Variants in FSHR observed in about 807,000 individuals in gnomAD.
The protein encoded by FSHR is follicle stimulating hormone receptor.
FSHR carries 46 observed loss-of-function variants against 52.1 expected under a neutral mutation model. That is an observed-to-expected ratio of 0.88 (90% CI 0.70 to 1.13). The LOEUF is 1.13. Among genes scored for constraint, FSHR ranks in the 50% most tolerant of loss-of-function variants. The probability of loss-of-function intolerance (pLI) is 0.00; values close to 1 mark genes in which losing one functional copy is unlikely to be tolerated. For synonymous variants in FSHR, 399 were observed against 309.6 expected, an observed-to-expected ratio of 1.29 and a Z score of -3.03; for missense variants, 964 against 834.6, an observed-to-expected ratio of 1.16 and a Z score of -1.91.
Position 49,154,276 on chromosome 2 carries a change from C to T in FSHR, c.142G>A (p.Ala48Thr). 2 of 1,613,874 alleles carry T rather than the reference C, an allele frequency of 1.2e-6. No individual in the cohort carries two copies. The highest frequency in any genetic ancestry group is 1.7e-6 in the Non-Finnish European group (2 of 1,179,856). The change falls in exon 1 of 10, where the codon GCC (alanine) becomes ACC (threonine). Residue 48 changes from alanine (A) to threonine (T), a missense_variant. Coordinates refer to ENST00000406846, the MANE Select transcript of FSHR (RefSeq NM_000145.4). ...TEIPSDLPRN[A>T]IELRFVLTKL... ...CCCTCTGATACTCACAGTTCAATGG[C>T]ATTCCTCGGGAGGTCAGAAGGAATC...
chr2:48,992,333 A>G (rs752412665), intron 4 of FSHR, among the ~76,000 whole-genome samples: 1 of 152,120 alleles, frequency 6.6e-6, no homozygotes, highest in Non-Finnish European at 1.5e-5. Context: ...TTTGTAGTTC[A>G]TCTCTTCACC....
At chr2:49,092,874 C>A (rs1330264079) in intron 1 of FSHR, among the ~76,000 whole-genome samples, 1 of 152,144 alleles carries the variant, frequency 6.6e-6, no homozygotes, top group Non-Finnish European at 1.5e-5. Flanking sequence ...CCATGTTGGG[C>A]AGGCTGGTCT....
At chr2:48,981,354 G>T (rs1310662919) in intron 8 of FSHR, among the ~76,000 whole-genome samples, 1 of 152,126 alleles carries the variant, frequency 6.6e-6, no homozygotes, top group African/African-American at 2.4e-5. Flanking sequence ...CAAGACTGAT[G>T]CTTAAAAATT....
At chr2:49,139,162 C>T (rs1308199446) in intron 1 of FSHR, among the ~76,000 whole-genome samples, 1 of 152,114 alleles carries the variant, frequency 6.6e-6, no homozygotes. Context: ...ATTTGAAGAA[C>T]AATGCAGGTT....
chr2:49,135,539 A>G (rs1283525589), intron 1 of FSHR, among the ~76,000 whole-genome samples: 1 of 152,142 alleles, frequency 6.6e-6, no homozygotes. Context: ...CCCAACCTTC[A>G]TCATAAGATC....
At chr2:49,077,912 A>G (rs1167238659) in intron 1 of FSHR, among the ~76,000 whole-genome samples, 2 of 152,176 alleles carry the variant, frequency 1.3e-5, no homozygotes, top group African/African-American at 4.8e-5. Context: ...TCATATCACT[A>G]TCAGCATTTT....
chr2:49,020,154 G>T lies in FSHR; in HGVS notation c.231C>A (p.Ile77=). The T allele has an allele frequency of 6.2e-7, 1 of 1,612,982 alleles. No homozygotes were observed. Among genetic ancestry groups the T allele is most frequent in the Non-Finnish European group, 8.5e-7 (1 of 1,179,030 alleles). ...SGFGDLEKIE[I]SQNDVLEVIE... is the part of the protein sequence containing the mutation. ...TCACCTCCAAGACATCATTCTGAGA[G>T]ATCTCTCTGTGGAGAAAAAAATATA... Residue 77 remains isoleucine, a synonymous_variant, in exon 3 of 10, where the codon ATC becomes ATA. Coordinates refer to ENST00000406846, the MANE Select transcript of FSHR (RefSeq NM_000145.4).
chr2:49,142,245 G>C (rs1374239805), intron 1 of FSHR, among the ~76,000 whole-genome samples: 3 of 152,166 alleles, frequency 2.0e-5, no homozygotes, highest in Admixed American at 2.0e-4. Flanking sequence ...CATTCAAGTT[G>C]TAGTAAGTTT....
chr2:48,981,330 T>C (rs1371620934), intron 8 of FSHR, among the ~76,000 whole-genome samples: 1 of 152,244 alleles, frequency 6.6e-6, no homozygotes, highest in African/African-American at 2.4e-5. Context: ...CTTTCCTTTG[T>C]TTCCTGCATG....
chr2:49,114,129 G>A (rs1351821707), intron 1 of FSHR, among the ~76,000 whole-genome samples: 4 of 151,972 alleles, frequency 2.6e-5, no homozygotes, highest in Admixed American at 6.6e-5. Context: ...CCCCTCCTTC[G>A]TTACCACAGG....
At chr2:48,996,840 A>G (rs1395245993) in intron 4 of FSHR, among the ~76,000 whole-genome samples, 1 of 152,180 alleles carries the variant, frequency 6.6e-6, no homozygotes, top group African/African-American at 2.4e-5. Context: ...TTTAGCAAGT[A>G]GATTAATTAG....
At chr2:49,006,360 C>T (rs562004463) in intron 4 of FSHR, among the ~76,000 whole-genome samples, 1 of 151,996 alleles carries the variant, frequency 6.6e-6, no homozygotes, top group Non-Finnish European at 1.5e-5. Context: ...TTTTTTCCTA[C>T]TGCGTTAGGC....
chr2:49,073,339 C>T (rs1161983518), intron 1 of FSHR, among the ~76,000 whole-genome samples: 1 of 152,000 alleles, frequency 6.6e-6, no homozygotes, highest in Non-Finnish European at 1.5e-5. Context: ...ACTCTTAGAA[C>T]TGATAAATGA....
At position 49,082,533 on chromosome 2, in the gene FSHR, C is replaced by T. The variant is rs866799568; in HGVS notation, c.153-14243G>A. ...CGAGCTGAGAGAAGAATGCTTCAGACGATCAAATTACTCCGAGATACGGGA... is the reference window on the plus strand; with the variant it reads ...CGAGCTGAGAGAAGAATGCTTCAGATGATCAAATTACTCCGAGATACGGGA... On this transcript the variant is annotated intron_variant, in intron 1 of 9. Coordinates refer to ENST00000406846, the MANE Select transcript of FSHR (RefSeq NM_000145.4). Among the ~76,000 whole-genome samples, 140 of 152,092 alleles carry T rather than the reference C, an allele frequency of 9.2e-4. 2 individuals carry two copies. Among genetic ancestry groups the T allele is most frequent in the African/African-American group, 3.0e-3 (126 of 41,506 alleles).
At chr2:49,113,779 A>T (rs1017486473) in intron 1 of FSHR, among the ~76,000 whole-genome samples, 1 of 152,030 alleles carries the variant, frequency 6.6e-6, no homozygotes. Flanking sequence ...ACTTGTGGGG[A>T]GGTCTTGGCA....
intron 2 of FSHR, among the ~76,000 whole-genome samples, chr2:49,061,831 T>C (rs1669319768): frequency 8.1e-6 from 1 of 123,974 alleles, no homozygotes; most frequent in Admixed American, 9.1e-5. Flanking sequence ...ACTATATATG[T>C]TTATATAAAT....
chr2:49,041,648 G>A (rs10865237), intron 2 of FSHR, among the ~76,000 whole-genome samples: 21,933 of 151,986 alleles, frequency 0.14, 1,575 homozygotes, highest in Middle Eastern at 0.22. Flanking sequence ...TTCAATTCTG[G>A]AATTGGAAGG....
At chr2:49,091,489 G>T (rs905663681) in intron 1 of FSHR, among the ~76,000 whole-genome samples, 2 of 152,054 alleles carry the variant, frequency 1.3e-5, no homozygotes, top group Non-Finnish European at 2.9e-5. Flanking sequence ...TAGAGATGGG[G>T]TCTCACCATG....
At chr2:49,004,359 C>T (rs1224762121) in intron 4 of FSHR, among the ~76,000 whole-genome samples, 2 of 152,192 alleles carry the variant, frequency 1.3e-5, no homozygotes, top group African/African-American at 2.4e-5. Context: ...TCTGCAAGAT[C>T]TCAGCATTTG....
Sources: allele counts gnomAD v4.1 joint callset (sites outside exome capture counted in the v4.1 genomes callset), GRCh38; gene constraint gnomAD v4.1.1; transcripts MANE v1.5; gene names NCBI Gene and HGNC (gene_info 2026-07-23, HGNC 2026-07-21).